Variants in EDAR observed in about 807,000 individuals in gnomAD.
EDAR encodes tumor necrosis factor receptor superfamily member EDAR.
A neutral mutation model predicts 51.3 loss-of-function variants in EDAR; 38 were observed. That is an observed-to-expected ratio of 0.74 (90% CI 0.57 to 0.97). EDAR has a LOEUF of 0.97. Ranked by LOEUF, EDAR falls within the 50% of genes least tolerant of loss-of-function variation. The probability of loss-of-function intolerance (pLI) is 0.00; values close to 1 mark genes in which losing one functional copy is unlikely to be tolerated. For missense variants in EDAR, 528 were observed against 595.0 expected, an observed-to-expected ratio of 0.89 and a Z score of 1.17; for synonymous variants, 227 against 242.1, an observed-to-expected ratio of 0.94 and a Z score of 0.58.
In EDAR at chr2:108,896,661, G is replaced by A; in HGVS notation, c.*246C>T. 3.7e-6 allele frequency: 2 copies of A among 536,174 alleles called. No homozygotes were observed. Among genetic ancestry groups the A allele is most frequent in the Non-Finnish European group, 6.7e-6 (2 of 299,082 alleles). 33.2% of individuals were successfully genotyped at this position (536,174 alleles called of 1,614,324 possible). The stretch of plus-strand genomic sequence containing the variant: ...GGGCTGGTGGGCTGGCTGTATGAGT[G>A]AGTAGATATTTACTCTGCCTGGTGA... On this transcript the variant is annotated 3_prime_UTR_variant, in exon 12 of 12. Coordinates refer to ENST00000258443, the MANE Select transcript of EDAR (RefSeq NM_022336.4).
At chr2:108,929,771 G>A (rs1697330455) in intron 3 of EDAR, among the ~76,000 whole-genome samples, 1 of 152,198 alleles carries the variant, frequency 6.6e-6, no homozygotes, top group Non-Finnish European at 1.5e-5. Flanking sequence ...CCCAGAGGCG[G>A]AGGGAGATGC....
intron 9 of EDAR, 81 bp downstream of exon 9, chr2:108,910,379 C>A: frequency 8.5e-7 from 1 of 1,177,382 alleles, no homozygotes; most frequent in South Asian, 1.3e-5. Flanking sequence ...TGTCAGTTCA[C>A]TCGGCTGCAC....
chr2:108,925,566 T>C (rs1558811652), intron 4 of EDAR, among the ~76,000 whole-genome samples: 1 of 152,170 alleles, frequency 6.6e-6, no homozygotes, highest in Non-Finnish European at 1.5e-5. Flanking sequence ...TGTGTATGGG[T>C]CAAGCTATGC....
intron 1 of EDAR, among the ~76,000 whole-genome samples, chr2:108,960,139 G>C (rs749083851): frequency 6.6e-6 from 1 of 152,196 alleles, no homozygotes; most frequent in Non-Finnish European, 1.5e-5. Context: ...GCTAAGAGGA[G>C]CGGGGTGGGG....
At chr2:108,907,717 G>C (rs958607968) in intron 10 of EDAR, 143 bp downstream of exon 10, 1 of 917,658 alleles carries the variant, frequency 1.1e-6, no homozygotes, top group Admixed American at 2.0e-5. Context: ...CTGTGAACTT[G>C]TCACTGTCCA....
rs1205358316 is a variant in EDAR, at chr2:108,896,903, C to CT, written c.*3dup. On this transcript the variant is annotated 3_prime_UTR_variant, in exon 12 of 12. Transcript: ENST00000258443. ...CCTGGGAGGACAGCCCACAGGCATG[C>CT]TTTTCAGGATGCAGCATGTGGCTGG... 6.2e-7 allele frequency: 1 copy of CT among 1,610,046 alleles called. No individual in the cohort carries two copies. The highest frequency in any genetic ancestry group is 8.5e-7 in the Non-Finnish European group (1 of 1,178,330).
At chr2:108,970,611 C>A (rs1333645681) in intron 1 of EDAR, among the ~76,000 whole-genome samples, 1 of 152,062 alleles carries the variant, frequency 6.6e-6, no homozygotes, top group African/African-American at 2.4e-5. Flanking sequence ...GGGCAGGGGA[C>A]CAAGGTCTAA....
chr2:108,984,190 A>C (rs1574418201), intron 1 of EDAR, among the ~76,000 whole-genome samples: 1 of 151,960 alleles, frequency 6.6e-6, no homozygotes, highest in African/African-American at 2.4e-5. Flanking sequence ...CTCTCCTGCC[A>C]CCCTTCCTGC....
chr2:108,969,673 T>C (rs1698204887), intron 1 of EDAR, among the ~76,000 whole-genome samples: 1 of 152,222 alleles, frequency 6.6e-6, no homozygotes, highest in Non-Finnish European at 1.5e-5. Context: ...ATTTATTAAG[T>C]GCTTACTAAA....
intron 1 of EDAR, among the ~76,000 whole-genome samples, chr2:108,979,913 G>A (rs552610661): frequency 6.6e-6 from 1 of 152,242 alleles, no homozygotes; most frequent in Non-Finnish European, 1.5e-5. Context: ...TGGGCGGTGG[G>A]AAGCAGGGTG....
chr2:108,951,355 A>T (rs1344802700), intron 1 of EDAR, among the ~76,000 whole-genome samples: 1 of 152,362 alleles, frequency 6.6e-6, no homozygotes, highest in South Asian at 2.1e-4. Flanking sequence ...CTGAACCATC[A>T]GTTATTTCTG....
intron 1 of EDAR, among the ~76,000 whole-genome samples, chr2:108,943,033 A>G (rs1311964475): frequency 6.6e-6 from 1 of 152,210 alleles, no homozygotes; most frequent in Admixed American, 6.5e-5. Context: ...GTGCAGGGCT[A>G]TAAATAACCA....
intron 1 of EDAR, among the ~76,000 whole-genome samples, chr2:108,971,853 A>G (rs184911816): frequency 1.3e-5 from 2 of 152,342 alleles, no homozygotes; most frequent in East Asian, 3.9e-4. Flanking sequence ...AACAGAAAAA[A>G]GGGCAGAAGA....
At chr2:108,919,690 C>T (rs973713327) in intron 5 of EDAR, among the ~76,000 whole-genome samples, 2 of 152,176 alleles carry the variant, frequency 1.3e-5, no homozygotes, top group Non-Finnish European at 2.9e-5. Context: ...ATTTCTGCTG[C>T]CCAGTGTCCC....
intron 1 of EDAR, among the ~76,000 whole-genome samples, chr2:108,974,493 A>G (rs1698288819): frequency 6.6e-6 from 1 of 151,960 alleles, no homozygotes; most frequent in Non-Finnish European, 1.5e-5. Context: ...GCACTTTGGG[A>G]GGCCAAGGGG....
rs75155869 is a variant in EDAR at position 108,895,659 on chromosome 2, C to A, written c.*1248G>T. On this transcript the variant is annotated 3_prime_UTR_variant, in exon 12 of 12. Coordinates refer to ENST00000258443, the MANE Select transcript of EDAR (RefSeq NM_022336.4). The stretch of plus-strand genomic sequence containing the variant: ...CCACTTTCTTTTTGCTCACCTGAAC[C>A]CTACCTGCCCCAATTATAGAATCAC... 9,298 of 152,214 alleles carry A rather than the reference C, an allele frequency of 0.061. 348 individuals carry two copies. The highest frequency in any genetic ancestry group is 0.15 in the South Asian group (705 of 4,824). The allele number at this position is 152,214 out of a possible 1,614,324, so 9.4% of individuals were successfully genotyped here. A position where few individuals can be genotyped will look rare whatever the true frequency, so the allele number is the denominator to read the frequency against.
Position 108,929,617 on chromosome 2 carries a change from G to C in EDAR, c.175-238C>G, listed in dbSNP as rs28620407. Among the ~76,000 whole-genome samples the C allele has an allele frequency of 0.025, 3,799 of 152,262 alleles. 96 individuals carry two copies. The highest frequency in any genetic ancestry group is 0.06 in the African/African-American group (2,497 of 41,534). Reference sequence around the variant, plus strand: ...TGCTGCCCCTTTTCTGAGCCTCCCCGAGATGAATTCAGCGAGCTGCTGGAA... The same window carrying C: ...TGCTGCCCCTTTTCTGAGCCTCCCCCAGATGAATTCAGCGAGCTGCTGGAA... On this transcript the variant is annotated intron_variant, in intron 3 of 11. Coordinates refer to ENST00000258443, the MANE Select transcript of EDAR (RefSeq NM_022336.4).
intron 6 of EDAR, among the ~76,000 whole-genome samples, chr2:108,911,545 G>A (rs36016558): frequency 6.6e-6 from 1 of 152,192 alleles, no homozygotes; most frequent in Non-Finnish European, 1.5e-5. Flanking sequence ...CATTGTAAGA[G>A]CCCCAGGGCA....
At chr2:108,943,928 A>C (rs1343944437) in intron 1 of EDAR, among the ~76,000 whole-genome samples, 1 of 152,214 alleles carries the variant, frequency 6.6e-6, no homozygotes, top group Non-Finnish European at 1.5e-5. Flanking sequence ...CTTCCAAAAC[A>C]GGGAGACAGG....
Sources: allele counts gnomAD v4.1 joint callset (sites outside exome capture counted in the v4.1 genomes callset), GRCh38; gene constraint gnomAD v4.1.1; transcripts MANE v1.5; gene names NCBI Gene and HGNC (gene_info 2026-07-23, HGNC 2026-07-21).